Variants in EPHA1 observed in about 807,000 individuals in gnomAD.
The protein encoded by EPHA1 is ephrin type-A receptor 1.
A neutral mutation model predicts 110.1 loss-of-function variants in EPHA1; 92 were observed. The observed-to-expected ratio is 0.84, with a 90% CI of 0.71 to 0.99. The LOEUF (loss-of-function observed/expected upper bound fraction) is 0.99. Among genes scored for constraint, EPHA1 ranks in the 50% least tolerant of loss-of-function variants. The pLI is 0.00. For synonymous variants in EPHA1, 500 were observed against 516.1 expected (o/e 0.97, Z 0.42); for missense variants, 1,204 against 1,285.4 (o/e 0.94, Z 0.97).
intron 5 of EPHA1, 38 bp downstream of exon 5, chr7:143,399,220 C>T: frequency 6.3e-7 from 1 of 1,592,618 alleles, no homozygotes; most frequent in Non-Finnish European, 8.5e-7. Context: ...GATCCAGCCC[C>T]TCCCTCCAGA....
chr7:143,408,672 C>T, intron 1 of EPHA1, 52 bp downstream of exon 1: 1 of 365,574 alleles, frequency 2.7e-6, no homozygotes, highest in Non-Finnish European at 4.4e-6. Flanking sequence ...TGGCCGGGCC[C>T]CGGGAAGGGG....
Position 143,391,661 on chromosome 7 carries a change from AGCCGAGT to A in EPHA1, c.2804_2810del (p.His935LeufsTer12), listed in dbSNP as rs1331016726. 1 of 1,614,018 alleles carries A rather than the reference AGCCGAGT, an allele frequency of 6.2e-7. No homozygotes were observed. Among genetic ancestry groups the A allele is most frequent in the Non-Finnish European group, 8.5e-7 (1 of 1,180,040 alleles). On this transcript the variant is annotated frameshift_variant, in exon 17 of 18. Transcript: ENST00000275815. LOFTEE classifies it high-confidence loss of function. ...GCACACACTCCATGGTGTCCAGCCCAGCCGAGTGGAAGTGCAGGATGTAGCGTTTCAT... is the reference window on the plus strand; with the variant it reads ...GCACACACTCCATGGTGTCCAGCCCAGGAAGTGCAGGATGTAGCGTTTCAT...
At chr7:143,407,270 A>G (rs977280043) in intron 2 of EPHA1, among the ~76,000 whole-genome samples, 37 of 152,178 alleles carry the variant, frequency 2.4e-4, no homozygotes, top group African/African-American at 8.2e-4. Flanking sequence ...TCCCTCCCCA[A>G]GCAAAGCACT....
chr7:143,403,791 A>G (rs1216252542), intron 2 of EPHA1, among the ~76,000 whole-genome samples: 1 of 152,242 alleles, frequency 6.6e-6, no homozygotes, highest in African/African-American at 2.4e-5. Context: ...CATTTCTTAG[A>G]GGAGGAAGTT....
Position 143,401,155 on chromosome 7 carries a change from A to G in EPHA1, c.432+169T>C. On this transcript the variant is annotated intron_variant, in intron 3 of 17. Transcript: ENST00000275815. This position sits in a 1 kb window ranked among gnomAD's most constrained non-coding sequence, Gnocchi z 4.1. ...TGATCTTCCCACATCGGTTTCCCAAAGCACTGGAATTACAGGCACAAGCCA... is the reference window on the plus strand; with the variant it reads ...TGATCTTCCCACATCGGTTTCCCAAGGCACTGGAATTACAGGCACAAGCCA... The G allele has an allele frequency of 1.2e-6, 1 of 845,262 alleles. No individual in the cohort carries two copies. The highest frequency in any genetic ancestry group is 1.8e-5 in the South Asian group (1 of 56,474). The allele number at this position is 845,262 out of a possible 1,614,324, so 52.4% of individuals were successfully genotyped here. A position where few individuals can be genotyped will look rare whatever the true frequency, so the allele number is the denominator to read the frequency against.
In EPHA1 at chr7:143,395,179, T is replaced by C; in HGVS notation, c.2087A>G (p.Lys696Arg). Reference protein sequence around the residue: ...LHLEGVVTKRKPIMIITEFME... With the variant: ...LHLEGVVTKRRPIMIITEFME... ...AAATTCTGTGATGATCATGATCGGC[T>C]TTCCTGAGACACAGACACACATATC... Residue 696 changes from lysine (K) to arginine (R), a missense_variant, in exon 13 of 18, where the codon AAG becomes AGG. Physicochemically the swap from Lys to Arg is conservative, Grantham distance 26 (BLOSUM62 2). Coordinates refer to ENST00000275815, the MANE Select transcript of EPHA1 (RefSeq NM_005232.5). This position sits in a 1 kb window ranked among gnomAD's most constrained non-coding sequence, Gnocchi z 4.7. 6.2e-7 allele frequency: 1 copy of C among 1,613,644 alleles called. No homozygotes were observed. The highest frequency in any genetic ancestry group is 8.5e-7 in the Non-Finnish European group (1 of 1,180,026).
chr7:143,397,430 T>C, intron 9 of EPHA1, 68 bp from the exon 10 acceptor site: 5 of 1,565,730 alleles, frequency 3.2e-6, no homozygotes, highest in Non-Finnish European at 4.3e-6. Flanking sequence ...GGACTCTGGC[T>C]GAATCTTCCC....
chr7:143,397,808 TG>T (rs762216093), intron 8 of EPHA1, 111 bp downstream of exon 8: 12 of 1,523,426 alleles, frequency 7.9e-6, no homozygotes, highest in Non-Finnish European at 1.1e-5. Flanking sequence ...GAAGGGAGTG[TG>T]TGTGCATGTG....
Position 143,397,952 on chromosome 7 carries a change from G to T in EPHA1, c.1583C>A (p.Ser528Tyr), listed in dbSNP as rs777617799. 6.2e-7 allele frequency: 1 copy of T among 1,614,164 alleles called. No individual in the cohort carries two copies. Among genetic ancestry groups the T allele is most frequent in the East Asian group, 2.2e-5 (1 of 44,872 alleles). The change falls in exon 8 of 18, where the codon TCC becomes TAC. Residue 528 changes from serine (S) to tyrosine (Y), a missense_variant. Transcript: ENST00000275815. ...MLTPLGPGPF[S>Y]PDHEFRTSPP... is the part of the protein sequence containing the mutation. ...GCTGGTCCGAAACTCATGATCAGGG[G>T]AGAAAGGGCCAGGACCCAGTGGGGT... is the stretch of plus-strand genomic sequence containing the variant.
In EPHA1 at chr7:143,407,639, C is replaced by G. The variant is rs1805591242; in HGVS notation, c.122G>C (p.Gly41Ala). 6.2e-7 allele frequency: 1 copy of G among 1,613,432 alleles called. No individual in the cohort carries two copies. The highest frequency in any genetic ancestry group is 8.5e-7 in the Non-Finnish European group (1 of 1,179,754). Reference protein sequence around the residue: ...MDTSKAQGELGWLLDPPKDGW... With the variant: ...MDTSKAQGELAWLLDPPKDGW... ...ATCTTTTGGGGGATCCAGCAGCCAGCCCAGCTCTCCCTGTGCCTTGCTTGT... is the reference window on the plus strand; with the variant it reads ...ATCTTTTGGGGGATCCAGCAGCCAGGCCAGCTCTCCCTGTGCCTTGCTTGT... Residue 41 changes from glycine (G) to alanine (A), a missense_variant, in exon 2 of 18, where the codon GGC becomes GCC. Gly to Ala is a moderately conservative substitution (Grantham distance 60). Transcript: ENST00000275815.
chr7:143,402,543 C>A (rs1199726502), intron 2 of EPHA1, among the ~76,000 whole-genome samples: 1 of 152,186 alleles, frequency 6.6e-6, no homozygotes, highest in African/African-American at 2.4e-5. Flanking sequence ...CAGGCATGCA[C>A]CACCATGCCT....
chr7:143,393,718 C>A lies in EPHA1; in HGVS notation c.2649G>T (p.Leu883=). 3.1e-6 allele frequency: 5 copies of A among 1,613,868 alleles called. No individual in the cohort carries two copies. Among genetic ancestry groups the A allele is most frequent in the Non-Finnish European group, 3.4e-6 (4 of 1,179,940 alleles). ...TCCGCAGGGAGTGGGGGTTGGCAAG[C>A]AGTTGCTCCAGATGTGCCTGAAGCT... ...FQKLQAHLEQ[L]LANPHSLRTI... is the part of the protein sequence containing the mutation. The change falls in exon 16 of 18, where the codon CTG becomes CTT. Residue 883 remains leucine (L), a synonymous_variant. Transcript: ENST00000275815. This position sits in a 1 kb window ranked among gnomAD's most constrained non-coding sequence, Gnocchi z 5.6.
rs1805306848 is a variant in EPHA1 at position 143,397,969 on chromosome 7, C to T, written c.1566G>A (p.Leu522=). 6.2e-7 allele frequency: 1 copy of T among 1,614,124 alleles called. No homozygotes were observed. Among genetic ancestry groups the T allele is most frequent in the South Asian group, 1.1e-5 (1 of 91,088 alleles). Residue 522 remains leucine, a synonymous_variant, in exon 8 of 18, where the codon CTG becomes CTA. Transcript: ENST00000275815. Reference sequence around the variant, plus strand: ...GATCAGGGGAGAAAGGGCCAGGACCCAGTGGGGTCAGCATTCGGACTCTGA... The same window carrying T: ...GATCAGGGGAGAAAGGGCCAGGACCTAGTGGGGTCAGCATTCGGACTCTGA... ...YIVRVRMLTP[L]GPGPFSPDHE... is the part of the protein sequence containing the mutation.
chr7:143,399,739 G>A lies in EPHA1; in HGVS notation c.747C>T (p.Cys249=), dbSNP rs767862559. ...PRPSGAPRMH[C]SPDGEWLVPV... Reference sequence around the variant, plus strand: ...GCACCAGCCACTCGCCATCAGGGCTGCAGTGCATGCGGGGTGCACCTGAGG... The same window carrying A: ...GCACCAGCCACTCGCCATCAGGGCTACAGTGCATGCGGGGTGCACCTGAGG... Residue 249 remains cysteine (C), a synonymous_variant, in exon 4 of 18, where the codon TGC becomes TGT. Coordinates refer to ENST00000275815, the MANE Select transcript of EPHA1 (RefSeq NM_005232.5). 4 of 1,613,920 alleles carry A rather than the reference G, an allele frequency of 2.5e-6. No individual in the cohort carries two copies. The Admixed American group carries it at 5.0e-5, about 20-fold the overall frequency.
At chr7:143,392,393 C>G (rs1222638241) in intron 16 of EPHA1, among the ~76,000 whole-genome samples, 1 of 152,114 alleles carries the variant, frequency 6.6e-6, no homozygotes, top group African/African-American at 2.4e-5. Flanking sequence ...GAGGGAGTTG[C>G]GCTCCAAAAG....
Position 143,398,375 on chromosome 7 carries a change from G to C in EPHA1, c.1410C>G (p.Ser470=). Reference sequence around the variant, plus strand: ...GGTTCGCCCCAGGGCTTCGGGGCCGGGACCCCGCCCAGGTCAGCTCTAGTT... The same window carrying C: ...GGTTCGCCCCAGGGCTTCGGGGCCGCGACCCCGCCCAGGTCAGCTCTAGTT... ...PRQLELTWAG[S]RPRSPGANLT... is the part of the protein sequence containing the mutation. The change falls in exon 7 of 18, where the codon TCC becomes TCG. Residue 470 remains serine (S), a synonymous_variant. Transcript: ENST00000275815. The C allele has an allele frequency of 3.7e-6, 6 of 1,614,132 alleles. No individual in the cohort carries two copies. Among genetic ancestry groups the C allele is most frequent in the Non-Finnish European group, 5.1e-6 (6 of 1,180,004 alleles).
At position 143,395,638 on chromosome 7, in the gene EPHA1, G is replaced by GCCCAC; in HGVS notation, c.1898-135_1898-134insGTGGG. The GCCCAC allele has an allele frequency of 1.1e-6, 1 of 937,066 alleles. No homozygotes were observed. Among genetic ancestry groups the GCCCAC allele is most frequent in the Non-Finnish European group, 1.6e-6 (1 of 640,030 alleles). The allele number at this position is 937,066 out of a possible 1,614,324, so 58.0% of individuals were successfully genotyped here. On this transcript the variant is annotated intron_variant, in intron 11 of 17. Transcript: ENST00000275815. This position sits in a 1 kb window ranked among gnomAD's most constrained non-coding sequence, Gnocchi z 4.7. ...AGCGTGGAGTGCCCTTCCTGGGACA[G>GCCCAC]GGCGTGGGCTGTCCTTCCTGGGGAA...
At position 143,399,727 on chromosome 7, in the gene EPHA1, G is replaced by A. The variant is rs199956108; in HGVS notation, c.759C>T (p.Gly253=). The A allele has an allele frequency of 1.2e-5, 19 of 1,613,854 alleles. No individual in the cohort carries two copies. Among genetic ancestry groups the A allele is most frequent in the Admixed American group, 3.3e-5 (2 of 60,028 alleles). Reference sequence around the variant, plus strand: ...ACCGTCCTACAGGCACCAGCCACTCGCCATCAGGGCTGCAGTGCATGCGGG... The same window carrying A: ...ACCGTCCTACAGGCACCAGCCACTCACCATCAGGGCTGCAGTGCATGCGGG... ...GAPRMHCSPD[G]EWLVPVGRCH... The change falls in exon 4 of 18, where the codon GGC becomes GGT. Residue 253 remains glycine (G), a synonymous_variant. Coordinates refer to ENST00000275815, the MANE Select transcript of EPHA1 (RefSeq NM_005232.5).
chr7:143,394,207 A>G lies in EPHA1; in HGVS notation c.2489T>C (p.Met830Thr), dbSNP rs1164168455. Residue 830 changes from methionine to threonine, a missense_variant, in exon 15 of 18, where the codon ATG (methionine) becomes ACG (threonine). Transcript: ENST00000275815. ...LSFGDKPYGE[M>T]SNQEVMKSIE... ...TTCTGGGCTCACCTCCTGATTGCTC[A>G]TCTCCCCATAAGGCTTGTCCCCAAA... 3 of 1,613,180 alleles carry G rather than the reference A, an allele frequency of 1.9e-6. No individual in the cohort carries two copies. The highest frequency in any genetic ancestry group is 1.7e-6 in the Non-Finnish European group (2 of 1,179,400).
Sources: allele counts gnomAD v4.1 joint callset (sites outside exome capture counted in the v4.1 genomes callset), GRCh38; gene constraint gnomAD v4.1.1; non-coding constraint Gnocchi (gnomAD v3.1); transcripts MANE v1.5; gene names NCBI Gene and HGNC (gene_info 2026-07-23, HGNC 2026-07-21).